The following ASTN2 variants were observed in gnomAD, a reference collection of about 807,000 sequenced individuals.
ASTN2 encodes astrotactin-2.
Under a neutral mutation model 139.8 loss-of-function variants are expected in ASTN2, and 54 were observed. That is an observed-to-expected ratio of 0.39 (90% CI 0.31 to 0.48). The LOEUF (loss-of-function observed/expected upper bound fraction) is 0.48, where lower values mean the gene tolerates loss of function less well. Ranked by LOEUF, ASTN2 falls within the 20% of genes least tolerant of loss-of-function variation. The pLI, the probability that ASTN2 is intolerant of heterozygous loss-of-function variation, is 0.95. For synonymous variants in ASTN2, 756 were observed against 719.5 expected, an observed-to-expected ratio of 1.05 and a Z score of -0.81; for missense variants, 1,565 against 1,725.1, an observed-to-expected ratio of 0.91 and a Z score of 1.64.
chr9:116,698,505 G>A lies in ASTN2; in HGVS notation c.2806+27266C>T. 1 of 1,613,872 alleles carries A rather than the reference G, an allele frequency of 6.2e-7. No individual in the cohort carries two copies. Among genetic ancestry groups the A allele is most frequent in the Non-Finnish European group, 8.5e-7 (1 of 1,180,014 alleles). On this transcript the variant is annotated intron_variant, in intron 16 of 22. Coordinates refer to ENST00000313400, the MANE Select transcript of ASTN2 (RefSeq NM_001365068.1). This position sits in a 1 kb window ranked among gnomAD's most constrained non-coding sequence, Gnocchi z 4.4. ...CAAGCAGGCAGATGTAGCACTACTGGAGGAGACAGCTGATGAGGAGGAGCC... is the reference window on the plus strand; with the variant it reads ...CAAGCAGGCAGATGTAGCACTACTGAAGGAGACAGCTGATGAGGAGGAGCC...
intron 1 of ASTN2, among the ~76,000 whole-genome samples, chr9:117,298,790 G>T (rs1328170880): frequency 6.6e-6 from 1 of 150,840 alleles, no homozygotes; most frequent in Non-Finnish European, 1.5e-5. Context: ...GGATCCTAGT[G>T]CAGGGACATG....
chr9:116,874,360 C>T (rs937214443), intron 10 of ASTN2, among the ~76,000 whole-genome samples: 3 of 152,156 alleles, frequency 2.0e-5, no homozygotes, highest in Admixed American at 1.3e-4. Context: ...TTGTTAGCTT[C>T]CTGCATGCCT....
chr9:117,259,389 A>T (rs1292017086), intron 2 of ASTN2, among the ~76,000 whole-genome samples: 2 of 152,162 alleles, frequency 1.3e-5, no homozygotes, highest in Non-Finnish European at 1.5e-5. Context: ...CTGAAAAACT[A>T]GTTCAGGCCA....
At chr9:116,628,669 T>C (rs551615710) in intron 17 of ASTN2, among the ~76,000 whole-genome samples, 17 of 152,316 alleles carry the variant, frequency 1.1e-4, no homozygotes, top group African/African-American at 3.8e-4. Context: ...AATTATACAT[T>C]TGTAAAAACC....
intron 5 of ASTN2, among the ~76,000 whole-genome samples, chr9:117,054,729 A>C (rs1393747481): frequency 2.0e-5 from 3 of 152,312 alleles, no homozygotes; most frequent in East Asian, 1.9e-4. Flanking sequence ...GAAGCCAGAG[A>C]GATAGGCAGG....
chr9:117,015,870 A>T (rs1305304362), intron 6 of ASTN2, among the ~76,000 whole-genome samples: 1 of 152,104 alleles, frequency 6.6e-6, no homozygotes, highest in Admixed American at 6.6e-5. Flanking sequence ...TGCTAGTTAT[A>T]TATCTAATTT....
chr9:117,118,709 C>G (rs1166975656), intron 4 of ASTN2, among the ~76,000 whole-genome samples: 1 of 152,052 alleles, frequency 6.6e-6, no homozygotes, highest in Non-Finnish European at 1.5e-5. Context: ...GCTATTTTTC[C>G]ATCTTTTTCT....
chr9:117,246,374 T>C (rs1339258787), intron 2 of ASTN2, among the ~76,000 whole-genome samples: 1 of 152,196 alleles, frequency 6.6e-6, no homozygotes, highest in Non-Finnish European at 1.5e-5. Flanking sequence ...ACAGAAATTA[T>C]GCACAGTGCA....
At chr9:116,582,573 T>A (rs866052966) in intron 19 of ASTN2, 3 of 152,362 alleles carry the variant, frequency 2.0e-5, no homozygotes, top group Non-Finnish European at 2.9e-5. Flanking sequence ...TCTCTTCATC[T>A]ACCCAGCCAC....
chr9:116,646,474 GA>G (rs2131909788), intron 17 of ASTN2, among the ~76,000 whole-genome samples: 1 of 152,190 alleles, frequency 6.6e-6, no homozygotes, highest in South Asian at 2.1e-4. Flanking sequence ...CAGAGTTGGA[GA>G]AAAAATGATA....
chr9:117,406,857 A>C (rs1245111934), intron 1 of ASTN2, among the ~76,000 whole-genome samples: 2 of 144,240 alleles, frequency 1.4e-5, no homozygotes, highest in Admixed American at 7.0e-5. Context: ...ATTGTCCCCT[A>C]ACACACACAC....
intron 10 of ASTN2, among the ~76,000 whole-genome samples, chr9:116,938,912 T>C (rs1835151886): frequency 1.3e-5 from 2 of 152,328 alleles, no homozygotes; most frequent in South Asian, 4.1e-4. Flanking sequence ...TCAACAAACA[T>C]TTACTTTCTT....
At chr9:116,876,624 T>C (rs1017472840) in intron 10 of ASTN2, among the ~76,000 whole-genome samples, 1 of 152,190 alleles carries the variant, frequency 6.6e-6, no homozygotes, top group African/African-American at 2.4e-5. Flanking sequence ...CCACAGCCAC[T>C]TCAGCCTTCA....
chr9:116,811,680 T>C (rs1262118007), intron 12 of ASTN2, among the ~76,000 whole-genome samples: 1 of 152,214 alleles, frequency 6.6e-6, no homozygotes, highest in Non-Finnish European at 1.5e-5. Context: ...ATCCTTATCA[T>C]GGGGATGTGA....
intron 19 of ASTN2, among the ~76,000 whole-genome samples, chr9:116,599,701 G>A (rs1035537861): frequency 6.6e-6 from 1 of 152,116 alleles, no homozygotes; most frequent in East Asian, 1.9e-4. Context: ...TGCCCCTAGT[G>A]GGGAGAAAAA....
At chr9:116,995,847 T>C (rs1484563279) in intron 7 of ASTN2, among the ~76,000 whole-genome samples, 3 of 152,174 alleles carry the variant, frequency 2.0e-5, no homozygotes, top group Non-Finnish European at 4.4e-5. Context: ...CATTTTTATT[T>C]ATTTATTTTT....
chr9:117,408,175 AAG>A (rs1190721797), intron 1 of ASTN2, among the ~76,000 whole-genome samples: 3 of 151,864 alleles, frequency 2.0e-5, no homozygotes, highest in Non-Finnish European at 4.4e-5. Context: ...GGGGAGAGGA[AAG>A]AGTGTCCCCC....
chr9:116,912,580 G>A (rs1834343945), intron 10 of ASTN2, among the ~76,000 whole-genome samples: 1 of 152,072 alleles, frequency 6.6e-6, no homozygotes, highest in Non-Finnish European at 1.5e-5. Flanking sequence ...AAACATTTAG[G>A]GATTTCTTCC....
chr9:116,924,043 C>T (rs1385080277), intron 10 of ASTN2, among the ~76,000 whole-genome samples: 2 of 152,026 alleles, frequency 1.3e-5, no homozygotes, highest in African/African-American at 4.8e-5. Context: ...GGATCTTGCA[C>T]AAGGAAGAAT....
Sources: gnomAD v4.1 joint callset for allele counts (sites outside exome capture counted in the v4.1 genomes callset) on GRCh38, gnomAD v4.1.1 for gene constraint, Gnocchi (gnomAD v3.1) non-coding constraint, MANE v1.5 for transcripts, NCBI Gene and HGNC (gene_info 2026-07-23, HGNC 2026-07-21) for gene names.